The following DGKK variants were observed in gnomAD, a reference collection of about 807,000 sequenced individuals.
DGKK encodes the protein 142 kDa diacylglycerol kinase.
DGKK carries 35 observed loss-of-function variants against 92.2 expected under a neutral mutation model. That is an observed-to-expected ratio of 0.38 (90% confidence interval 0.29 to 0.50). DGKK has a LOEUF of 0.50. Ranked by LOEUF, DGKK falls within the 20% of genes least tolerant of loss-of-function variation. The pLI is 0.92. For missense variants in DGKK, 910 were observed against 992.2 expected (o/e 0.92, Z 1.11); for synonymous variants, 368 against 360.6 (o/e 1.02, Z -0.23).
intron 1 of DGKK, among the ~76,000 whole-genome samples, chrX:50,458,226 T>C (rs1423994486): frequency 9.0e-6 from 1 of 110,822 alleles, no homozygotes; most frequent in Non-Finnish European, 1.9e-5. Flanking sequence ...GCATGTTTTA[T>C]GTTAAGTGTC....
chrX:50,440,669 G>A (rs190650785), intron 1 of DGKK, among the ~76,000 whole-genome samples: 7 of 111,456 alleles, frequency 6.3e-5, no homozygotes, highest in African/African-American at 2.0e-4. Context: ...AAAAAAATCC[G>A]TCTCTTTGCT....
At position 50,384,720 on chromosome X, in the gene DGKK, G is replaced by A. The variant is rs782517887; in HGVS notation, c.2452C>T (p.Arg818Cys). The change falls in exon 16 of 28, where the codon CGT (arginine) becomes TGT (cysteine). Residue 818 changes from arginine (R) to cysteine (C), a missense_variant and splice_region_variant. Transcript: ENST00000611977. ...GGGAAGAAGACAGAAAGATCCTTAC[G>A]GCGTCGTGGGCTTGTCTGGTTAATA... ...EDINQTSPRR[R>C]SRRGTLSSIS... 1.2e-5 allele frequency: 14 copies of A among 1,205,337 alleles called. No individual in the cohort carries two copies. The highest frequency in any genetic ancestry group is 3.0e-5 in the East Asian group (1 of 33,716).
chrX:50,379,463 A>G (rs1602268224), intron 20 of DGKK, among the ~76,000 whole-genome samples, 164 bp downstream of exon 20: 1 of 110,932 alleles, frequency 9.0e-6, no homozygotes, highest in Non-Finnish European at 1.9e-5. Context: ...TCGGATGGTA[A>G]TTGCCTGAAA....
rs1327414761 is a variant in DGKK, at chrX:50,380,063, T to C, written c.2672A>G (p.Asn891Ser). 8.3e-7 allele frequency: 1 copy of C among 1,208,332 alleles called. No individual in the cohort carries two copies. The highest frequency in any genetic ancestry group is 2.2e-5 in the Admixed American group (1 of 45,813). Reference sequence around the variant, plus strand: ...TCCCAGAAGGCCATACCACATCTTGTTCTTAAGGCGGCTACTACATGGAGG... The same window carrying C: ...TCCCAGAAGGCCATACCACATCTTGCTCTTAAGGCGGCTACTACATGGAGG... ...HPGQYNSRLK[N>S]KMWYGLLGTK... The change falls in exon 19 of 28, where the codon AAC becomes AGC. Residue 891 changes from asparagine to serine, a missense_variant. Physicochemically the swap from Asn to Ser is conservative, Grantham distance 46. Coordinates refer to ENST00000611977, the MANE Select transcript of DGKK (RefSeq NM_001013742.4).
chrX:50,454,327 C>A (rs995089431), intron 1 of DGKK, among the ~76,000 whole-genome samples: 1 of 111,108 alleles, frequency 9.0e-6, no homozygotes, highest in Admixed American at 9.6e-5. Flanking sequence ...ATTGGCACAG[C>A]GCTCAACACA....
chrX:50,438,399 A>C (rs781898566), intron 1 of DGKK, among the ~76,000 whole-genome samples: 1 of 111,895 alleles, frequency 8.9e-6, no homozygotes, highest in South Asian at 3.8e-4. Flanking sequence ...AAGACACTGA[A>C]GCTCAGAATG....
chrX:50,454,776 C>T lies in DGKK; in HGVS notation c.645+15258G>A, dbSNP rs895880011. On this transcript the variant is annotated intron_variant, in intron 1 of 27. Coordinates refer to ENST00000611977, the MANE Select transcript of DGKK (RefSeq NM_001013742.4). ...AGATTGTCAGTAGGACTAATGCAAGCCTCTCTTTTTTTGTGAGGACTGAGA... is the reference window on the plus strand; with the variant it reads ...AGATTGTCAGTAGGACTAATGCAAGTCTCTCTTTTTTTGTGAGGACTGAGA... 3.2e-4 allele frequency among the ~76,000 whole-genome samples: 36 copies of T among 111,586 alleles called. 1 individual carries two copies. The highest frequency in any genetic ancestry group is 8.6e-4 in the Admixed American group (9 of 10,494).
Position 50,378,645 on chromosome X carries a change from G to A in DGKK, c.2909C>T (p.Ala970Val). 1 of 1,209,456 alleles carries A rather than the reference G, an allele frequency of 8.3e-7. No homozygotes were observed. The highest frequency in any genetic ancestry group is 1.1e-6 in the Non-Finnish European group (1 of 894,485). ...AIDDGKLEVVAIFGSVQMAMS... is the reference protein window; with the variant it reads ...AIDDGKLEVVVIFGSVQMAMS... ...TGCCATCTGCACAGAACCAAAGATT[G>A]CCACCACCTCCAGTTTCCCATCATC... is the stretch of plus-strand genomic sequence containing the variant. The change falls in exon 21 of 28, where the codon GCA becomes GTA. Residue 970 changes from alanine to valine, a missense_variant. Physicochemically the swap from Ala to Val is moderately conservative, Grantham distance 64. Coordinates refer to ENST00000611977, the MANE Select transcript of DGKK (RefSeq NM_001013742.4).
At chrX:50,459,613 CA>C (rs1404465668) in intron 1 of DGKK, among the ~76,000 whole-genome samples, 1 of 109,885 alleles carries the variant, frequency 9.1e-6, no homozygotes, top group East Asian at 2.9e-4. Flanking sequence ...AAAAAACAAA[CA>C]AAAAAAATGT....
rs371705438 is a variant in DGKK at position 50,375,036 on chromosome X, C to T, written c.3436G>A (p.Val1146Ile). The T allele has an allele frequency of 2.9e-5, 35 of 1,204,072 alleles. No individual in the cohort carries two copies. Among genetic ancestry groups the T allele is most frequent in the Admixed American group, 2.9e-4 (13 of 45,554 alleles). ...PIETLSRNDA[V>I]DVTFSLKGLY... ...CCTTTAAGACTAAATGTAACATCTA[C>T]GGCATCATTTCTGCTTAGAGTCTGA... The change falls in exon 25 of 28, where the codon GTA (valine) becomes ATA (isoleucine). Residue 1146 changes from valine (V) to isoleucine (I), a missense_variant. Val to Ile is a conservative substitution (Grantham distance 29, BLOSUM62 3). Transcript: ENST00000611977.
intron 1 of DGKK, among the ~76,000 whole-genome samples, chrX:50,452,086 C>CT (rs1557232504): frequency 9.0e-6 from 1 of 111,700 alleles, no homozygotes; most frequent in Non-Finnish European, 1.9e-5. Context: ...TTAGAAAAAC[C>CT]TTACAAGGTG....
rs782363974 is a variant in DGKK at position 50,389,661 on chromosome X, T to C, written c.1926+667A>G. 2.7e-5 allele frequency among the ~76,000 whole-genome samples: 3 copies of C among 112,017 alleles called. No homozygotes were observed. The South Asian group carries it at 1.1e-3, about 42-fold the overall frequency. ...CTTCCTACTGTGGTTTATCAGGCCC[T>C]TTCTGGCCTGGCCCCTGATTACTTC... On this transcript the variant is annotated intron_variant, in intron 12 of 27. Transcript: ENST00000611977.
chrX:50,459,293 T>C (rs782292326), intron 1 of DGKK, among the ~76,000 whole-genome samples: 122 of 111,350 alleles, frequency 1.1e-3, no homozygotes, highest in African/African-American at 3.5e-3. Context: ...AAGCAGATAC[T>C]TTGTGAGTAG....
intron 10 of DGKK, among the ~76,000 whole-genome samples, chrX:50,391,908 G>A (rs1924706821): frequency 8.9e-6 from 1 of 112,273 alleles, no homozygotes; most frequent in Non-Finnish European, 1.9e-5. Flanking sequence ...TACGTCAGGA[G>A]ACAAAGCTAC....
At chrX:50,369,406 G>T (rs781873650) in intron 27 of DGKK, among the ~76,000 whole-genome samples, 9 of 110,864 alleles carry the variant, frequency 8.1e-5, no homozygotes, top group Non-Finnish European at 1.1e-4. Context: ...AAAACAAACT[G>T]CTACCCTCTG....
intron 8 of DGKK, among the ~76,000 whole-genome samples, chrX:50,398,927 A>G (rs1557226346): frequency 8.9e-6 from 1 of 112,249 alleles, no homozygotes; most frequent in South Asian, 3.7e-4. Flanking sequence ...TCTTGTATCA[A>G]CTGCATCTTC....
In DGKK at chrX:50,379,694, A is replaced by G. The variant is rs1924366296; in HGVS notation, c.2795T>C (p.Ile932Thr). The G allele has an allele frequency of 8.3e-7, 1 of 1,210,128 alleles. No homozygotes were observed. Among genetic ancestry groups the G allele is most frequent in the Admixed American group, 2.2e-5 (1 of 45,869 alleles). ...ATAGCTGGTAATGTTGAGCACTACA[A>G]TGCCTTGCAGGTTTGGCAAGGAGAT... is the stretch of plus-strand genomic sequence containing the variant. ...ETISLPNLQG[I>T]VVLNITSYAG... Residue 932 changes from isoleucine to threonine, a missense_variant, in exon 20 of 28, where the codon ATT becomes ACT. Ile to Thr is a moderately conservative substitution (Grantham distance 89). Coordinates refer to ENST00000611977, the MANE Select transcript of DGKK (RefSeq NM_001013742.4).
Position 50,404,094 on chromosome X carries a change from G to C in DGKK, c.1033C>G (p.Arg345Gly). 2 of 1,210,789 alleles carry C rather than the reference G, an allele frequency of 1.7e-6. No individual in the cohort carries two copies. The highest frequency in any genetic ancestry group is 2.2e-6 in the Non-Finnish European group (2 of 895,136). ...CTAGATAAGGCAGGAATGCTCTCTCGACAAACATTGCAGTGCTGGGTCCGG... is the reference window on the plus strand; with the variant it reads ...CTAGATAAGGCAGGAATGCTCTCTCCACAAACATTGCAGTGCTGGGTCCGG... The part of the protein sequence containing the change: ...SHRTQHCNVC[R>G]ESIPALSRDA... The change falls in exon 5 of 28, where the codon CGA becomes GGA. Residue 345 changes from arginine to glycine, a missense_variant. Transcript: ENST00000611977.
At chrX:50,454,355 A>G (rs782132812) in intron 1 of DGKK, among the ~76,000 whole-genome samples, 4 of 111,434 alleles carry the variant, frequency 3.6e-5, no homozygotes, top group Non-Finnish European at 7.5e-5. Context: ...TGTTAAATGA[A>G]TGATTTTAGA....
Sources: gnomAD v4.1 joint callset for allele counts (sites outside exome capture counted in the v4.1 genomes callset) on GRCh38, gnomAD v4.1.1 for gene constraint, MANE v1.5 for transcripts, NCBI Gene and HGNC (gene_info 2026-07-23, HGNC 2026-07-21) for gene names.